TCF3: variants seen among roughly 807,000 people sequenced by gnomAD.
TCF3 encodes the protein transcription factor E2-alpha.
In TCF3, 54 loss-of-function variants were observed where a neutral mutation model predicts 72.3. The observed-to-expected ratio is 0.75, with a 90% confidence interval of 0.60 to 0.94. The LOEUF is 0.94. TCF3 is among the 40% of genes least tolerant of loss of function. The pLI is 0.00. For synonymous variants in TCF3, 525 were observed against 412.6 expected (o/e 1.27, Z -3.30); for missense variants, 1,078 against 934.4 (o/e 1.15, Z -2.00).
chr19:1,631,939 C>G (rs1340193946), intron 5 of TCF3, 99 bp downstream of exon 5: 22 of 1,548,702 alleles, frequency 1.4e-5, no homozygotes, highest in Non-Finnish European at 1.9e-5. Flanking sequence ...TGGGTGAACG[C>G]TGGGGACTTG....
chr19:1,637,477 G>A (rs1043333136), intron 3 of TCF3, among the ~76,000 whole-genome samples: 1 of 152,206 alleles, frequency 6.6e-6, no homozygotes, highest in Admixed American at 6.5e-5. Flanking sequence ...ACAACTCAGA[G>A]AAACAGGGCC....
chr19:1,616,883 A>T (rs559189911), intron 16 of TCF3, among the ~76,000 whole-genome samples: 1 of 152,328 alleles, frequency 6.6e-6, no homozygotes, highest in African/African-American at 2.4e-5. Context: ...CAAAGAATAG[A>T]AGACACCCAC....
In TCF3 at chr19:1,610,747, C is replaced by G. The variant is rs922392150; in HGVS notation, c.*960G>C. The G allele has an allele frequency of 4.3e-6, 1 of 232,004 alleles. No individual in the cohort carries two copies. The highest frequency in any genetic ancestry group is 8.5e-6 in the Non-Finnish European group (1 of 117,344). 14.4% of individuals were successfully genotyped at this position (232,004 alleles called of 1,614,324 possible). A position where few individuals can be genotyped will look rare whatever the true frequency, so the allele number is the denominator to read the frequency against. On this transcript the variant is annotated 3_prime_UTR_variant, in exon 19 of 19. Transcript: ENST00000262965. Reference sequence around the variant, plus strand: ...GCCACCTTGCTGACGTCCCTTCCCCCAAGCCCAGGTCAGTCCCCTTCCTGA... The same window carrying G: ...GCCACCTTGCTGACGTCCCTTCCCCGAAGCCCAGGTCAGTCCCCTTCCTGA...
chr19:1,625,469 G>A (rs1568394246), intron 7 of TCF3, 107 bp downstream of exon 7: 1 of 1,348,080 alleles, frequency 7.4e-7, no homozygotes, highest in Non-Finnish European at 9.6e-7. Flanking sequence ...GACCTGGAAG[G>A]TGCGGGGTCT....
At chr19:1,613,277 G>C (rs930143995) in intron 18 of TCF3, among the ~76,000 whole-genome samples, 2 of 152,170 alleles carry the variant, frequency 1.3e-5, no homozygotes, top group African/African-American at 4.8e-5. Flanking sequence ...CTGCCCAGGT[G>C]CAAGTGCCCT....
At chr19:1,631,064 C>T (rs181053876) in intron 5 of TCF3, among the ~76,000 whole-genome samples, 3 of 152,316 alleles carry the variant, frequency 2.0e-5, no homozygotes, top group Admixed American at 2.0e-4. Context: ...GAGCCTGCAG[C>T]GGGGCTGGAA....
chr19:1,643,587 C>T (rs2145500313), intron 3 of TCF3, among the ~76,000 whole-genome samples: 1 of 152,234 alleles, frequency 6.6e-6, no homozygotes, highest in East Asian at 1.9e-4. Context: ...TCAAACATAG[C>T]TCACTGCAGC....
At position 1,615,632 on chromosome 19, in the gene TCF3, A is replaced by G; in HGVS notation, c.1586+54T>C. On this transcript the variant is annotated intron_variant, in intron 17 of 18. Transcript: ENST00000262965. This position sits in a 1 kb window ranked among gnomAD's most constrained non-coding sequence, Gnocchi z 7.3. Reference sequence around the variant, plus strand: ...GGTGCGGTGTGCGTGTGGCCTGTGCACATGTGCGTCCTGATGGGGTGAGGG... The same window carrying G: ...GGTGCGGTGTGCGTGTGGCCTGTGCGCATGTGCGTCCTGATGGGGTGAGGG... 1 of 1,611,484 alleles carries G rather than the reference A, an allele frequency of 6.2e-7. No homozygotes were observed. The highest frequency in any genetic ancestry group is 8.5e-7 in the Non-Finnish European group (1 of 1,179,698).
At position 1,650,216 on chromosome 19, in the gene TCF3, G is replaced by C. The variant is rs996828555; in HGVS notation, c.33C>G (p.Gly11=). The change falls in exon 2 of 19, where the codon GGC becomes GGG. Residue 11 remains glycine (G), a synonymous_variant. Transcript: ENST00000262965. ...GGAGGTCACTGAGCTCCTTGTCTGT[G>C]CCCACAGGCGCCATCCTCTGCGGCT... MNQPQRMAPV[G]TDKELSDLLD... is the part of the protein sequence containing the mutation. 6.4e-7 allele frequency: 1 copy of C among 1,572,140 alleles called. No individual in the cohort carries two copies. The highest frequency in any genetic ancestry group is 8.6e-7 in the Non-Finnish European group (1 of 1,160,136).
rs1037688069 is a variant in TCF3, at chr19:1,609,919, C to A, written c.*1788G>T. 2 of 232,628 alleles carry A rather than the reference C, an allele frequency of 8.6e-6. No homozygotes were observed. Among genetic ancestry groups the A allele is most frequent in the African/African-American group, 4.4e-5 (2 of 45,250 alleles). The allele number at this position is 232,628 out of a possible 1,614,324, so 14.4% of individuals were successfully genotyped here. On this transcript the variant is annotated 3_prime_UTR_variant, in exon 19 of 19. Coordinates refer to ENST00000262965, the MANE Select transcript of TCF3 (RefSeq NM_003200.5). ...CTGCAGCGGGGATGAACACAGCCAG[C>A]CCAGGGGTCCACAAGGCCTCAATGC...
rs956049633 is a variant in TCF3, at chr19:1,627,261, A to G, written c.366+98T>C. The stretch of plus-strand genomic sequence containing the variant: ...GGTTTCGCTATCAGGAAGCAAACAT[A>G]ACCTAGCTAAGCCAGGAGAGCTTCT... On this transcript the variant is annotated intron_variant, in intron 6 of 18. Transcript: ENST00000262965. 1.2e-5 allele frequency: 13 copies of G among 1,054,328 alleles called. No homozygotes were observed. In the Admixed American group the frequency reaches 2.6e-4, roughly 21 times the overall value. The allele number at this position is 1,054,328 out of a possible 1,614,324, so 65.3% of individuals were successfully genotyped here.
At chr19:1,622,572 G>A (rs923626038) in intron 8 of TCF3, among the ~76,000 whole-genome samples, 157 bp from the exon 9 acceptor site, 2 of 151,938 alleles carry the variant, frequency 1.3e-5, no homozygotes, top group Non-Finnish European at 2.9e-5. Context: ...CCCAGCCCCT[G>A]GCCAAGTTTG....
rs193274400 is a variant in TCF3 at position 1,644,777 on chromosome 19, G to C, written c.145+1578C>G. On this transcript the variant is annotated intron_variant, in intron 3 of 18. Transcript: ENST00000262965. ...TGCCAGGGCTGAGGGGGTGAGAGGC[G>C]ACAGGGGACGAGGGAAGACACCTCC... is the stretch of plus-strand genomic sequence containing the variant. 4.7e-3 allele frequency among the ~76,000 whole-genome samples: 717 copies of C among 152,216 alleles called. 10 individuals are homozygous for C. The highest frequency in any genetic ancestry group is 0.016 in the African/African-American group (663 of 41,522).
chr19:1,646,213 C>T (rs2066068320), intron 3 of TCF3, 142 bp downstream of exon 3: 5 of 905,620 alleles, frequency 5.5e-6, no homozygotes, highest in East Asian at 2.9e-5. Flanking sequence ...TCTTCAGGCT[C>T]GCTGCCCCCG....
At chr19:1,626,309 G>C (rs2062867265) in intron 6 of TCF3, among the ~76,000 whole-genome samples, 1 of 152,156 alleles carries the variant, frequency 6.6e-6, no homozygotes, top group Non-Finnish European at 1.5e-5. Flanking sequence ...AATTAGCCGG[G>C]TATGGTGGCA....
In TCF3 at chr19:1,619,792, A is replaced by AC; in HGVS notation, c.1154dup (p.Leu386SerfsTer7). ...GGCAGGCACTCACCAGGCCGTGGAGACCCCCGTCGTAGCTGGGCGATAAGG... is the reference window on the plus strand; with the variant it reads ...GGCAGGCACTCACCAGGCCGTGGAGACCCCCCGTCGTAGCTGGGCGATAAGG... On this transcript the variant is annotated frameshift_variant, in exon 14 of 19. Transcript: ENST00000262965. LOFTEE classifies it high-confidence loss of function. 1 of 1,553,092 alleles carries AC rather than the reference A, an allele frequency of 6.4e-7. No individual in the cohort carries two copies. Among genetic ancestry groups the AC allele is most frequent in the Non-Finnish European group, 8.7e-7 (1 of 1,150,346 alleles).
At chr19:1,650,460 A>C in intron 1 of TCF3, 173 bp from the exon 2 acceptor site, 1 of 575,606 alleles carries the variant, frequency 1.7e-6, no homozygotes. Flanking sequence ...AGGCGCAGGG[A>C]AGCTGGAATT....
chr19:1,616,070 G>C (rs182832340), intron 16 of TCF3, among the ~76,000 whole-genome samples: 2 of 152,344 alleles, frequency 1.3e-5, no homozygotes, highest in East Asian at 3.9e-4. Context: ...AAAGTGTGTA[G>C]AAATTCTGCA....
At position 1,619,164 on chromosome 19, in the gene TCF3, G is replaced by A. The variant is rs781156109; in HGVS notation, c.1397C>T (p.Pro466Leu). ...GTCAGGGAGGGTGCCTGGCTGGCTG[G>A]GGAGGGCCGCGTGGTTGTGCATGAG... ...TSLMHNHAAL[P>L]SQPGTLPDLS... The change falls in exon 16 of 19, where the codon CCC becomes CTC. Residue 466 changes from proline (P) to leucine (L), a missense_variant. By Grantham distance (98) the Pro-to-Leu change is moderately conservative. Transcript: ENST00000262965. 2 of 1,600,308 alleles carry A rather than the reference G, an allele frequency of 1.2e-6. No individual in the cohort carries two copies. Among genetic ancestry groups the A allele is most frequent in the Non-Finnish European group, 1.7e-6 (2 of 1,179,758 alleles).
Sources: gnomAD v4.1 joint callset for allele counts (sites outside exome capture counted in the v4.1 genomes callset) on GRCh38, gnomAD v4.1.1 for gene constraint, Gnocchi (gnomAD v3.1) non-coding constraint, MANE v1.5 for transcripts, NCBI Gene and HGNC (gene_info 2026-07-23, HGNC 2026-07-21) for gene names.